The following CFHR1 variants were observed in gnomAD, a reference collection of about 807,000 sequenced individuals.
CFHR1 encodes complement factor H-related protein 1.
CFHR1 carries 22 observed loss-of-function variants against 30.4 expected under a neutral mutation model. That is an observed-to-expected ratio of 0.72 (90% CI 0.52 to 1.03). The LOEUF (loss-of-function observed/expected upper bound fraction) is 1.03, where lower values mean the gene tolerates loss of function less well. Among genes scored for constraint, CFHR1 ranks in the 50% least tolerant of loss-of-function variants. The probability of loss-of-function intolerance (pLI) is 0.00; values close to 1 mark genes in which losing one functional copy is unlikely to be tolerated. For synonymous variants in CFHR1, 95 were observed against 129.1 expected (o/e 0.74, Z 1.79); for missense variants, 248 against 380.6 (o/e 0.65, Z 2.90).
At chr1:196,823,378 A>T (rs1288786738) in intron 1 of CFHR1, among the ~76,000 whole-genome samples, 1 of 134,876 alleles carries the variant, frequency 7.4e-6, no homozygotes, top group East Asian at 2.0e-4. Context: ...AAGAATATGT[A>T]GGTACAAATG....
At chr1:196,827,314 G>A (rs1351981467) in intron 3 of CFHR1, among the ~76,000 whole-genome samples, 2 of 134,824 alleles carry the variant, frequency 1.5e-5, no homozygotes, top group East Asian at 2.0e-4. Context: ...ATAGAACCCT[G>A]AATCTGTTTT....
chr1:196,829,804 C>T lies in CFHR1; in HGVS notation c.608-696C>T, dbSNP rs1165894218. Among the ~76,000 whole-genome samples, 4 of 134,826 alleles carry T rather than the reference C, an allele frequency of 3.0e-5. 1 individual carries two copies. The highest frequency in any genetic ancestry group is 6.2e-5 in the Non-Finnish European group (4 of 64,124). The allele number at this position is 134,826 out of a possible 152,430, so 88.5% of individuals were successfully genotyped here. On this transcript the variant is annotated intron_variant, in intron 4 of 5. Transcript: ENST00000320493. ...ATGTTTTTATCCTCTTTGGAGTTCA[C>T]TCAGCTTCTTAAATATAAGTTTATG...
At chr1:196,825,729 C>G in intron 2 of CFHR1, 58 bp downstream of exon 2, 1 of 1,415,702 alleles carries the variant, frequency 7.1e-7, no homozygotes, top group Non-Finnish European at 9.7e-7. Flanking sequence ...GAAGGATATG[C>G]CAGACAAGAT....
intron 1 of CFHR1, among the ~76,000 whole-genome samples, chr1:196,823,268 C>T (rs1429375241): frequency 7.4e-6 from 1 of 134,962 alleles, no homozygotes; most frequent in East Asian, 2.0e-4. Flanking sequence ...AGCACCATTG[C>T]AGATATGCAC....
At chr1:196,831,269 AAATT>A (rs1338665273) in intron 5 of CFHR1, among the ~76,000 whole-genome samples, 3 of 136,148 alleles carry the variant, frequency 2.2e-5, no homozygotes, top group African/African-American at 6.2e-5. Context: ...TGATTACCAC[AAATT>A]AATTAGCACA....
At position 196,830,644 on chromosome 1, in the gene CFHR1, G is replaced by A. The variant is rs770461013; in HGVS notation, c.752G>A (p.Cys251Tyr). 9 of 1,524,720 alleles carry A rather than the reference G, an allele frequency of 5.9e-6. 1 individual carries two copies. In the South Asian group the frequency reaches 1.1e-4, roughly 19 times the overall value. 94.4% of individuals were successfully genotyped at this position (1,524,720 alleles called of 1,614,324 possible). A position where few individuals can be genotyped will look rare whatever the true frequency, so the allele number is the denominator to read the frequency against. ...CTTGAGGGTAACAAGCGAATAACAT[G>A]TAGAAATGGACAATGGTCAGAACCA... is the stretch of plus-strand genomic sequence containing the variant. ...YQLEGNKRIT[C>Y]RNGQWSEPPK... The change falls in exon 5 of 6, where the codon TGT becomes TAT. Residue 251 changes from cysteine (C) to tyrosine (Y), a missense_variant. Physicochemically the swap from Cys to Tyr is radical, Grantham distance 194 (BLOSUM62 -2). Coordinates refer to ENST00000320493, the MANE Select transcript of CFHR1 (RefSeq NM_002113.3).
At chr1:196,822,254 G>T (rs1655145720) in intron 1 of CFHR1, among the ~76,000 whole-genome samples, 1 of 117,674 alleles carries the variant, frequency 8.5e-6, no homozygotes, top group Non-Finnish European at 1.7e-5. Context: ...GGGGGAGCAG[G>T]TGGTTTTTGG....
At position 196,831,533 on chromosome 1, in the gene CFHR1, C is replaced by T. The variant is rs1267169577; in HGVS notation, c.791-264C>T. 8.8e-5 allele frequency among the ~76,000 whole-genome samples: 12 copies of T among 135,750 alleles called. 4 individuals carry two copies. Among genetic ancestry groups the T allele is most frequent in the Admixed American group, 7.1e-5 (1 of 14,098 alleles). The allele number at this position is 135,750 out of a possible 152,430, so 89.1% of individuals were successfully genotyped here. A position where few individuals can be genotyped will look rare whatever the true frequency, so the allele number is the denominator to read the frequency against. The stretch of plus-strand genomic sequence containing the variant: ...AGCAGCAATGATAAGTTCTAAAATG[C>T]AGGGATCCTAAAATGACAACTGATG... On this transcript the variant is annotated intron_variant, in intron 5 of 5. Coordinates refer to ENST00000320493, the MANE Select transcript of CFHR1 (RefSeq NM_002113.3).
At position 196,824,535 on chromosome 1, in the gene CFHR1, G is replaced by A. The variant is rs1655248180; in HGVS notation, c.59-942G>A. Reference sequence around the variant, plus strand: ...AGCCTCCCAAAGTGCTGGGATTACAGGCATGAGCTACCACACTCAGCCCTC... The same window carrying A: ...AGCCTCCCAAAGTGCTGGGATTACAAGCATGAGCTACCACACTCAGCCCTC... On this transcript the variant is annotated intron_variant, in intron 1 of 5. Transcript: ENST00000320493. Among the ~76,000 whole-genome samples, 2 of 131,912 alleles carry A rather than the reference G, an allele frequency of 1.5e-5. 1 individual carries two copies. Among genetic ancestry groups the A allele is most frequent in the South Asian group, 5.2e-4 (2 of 3,834 alleles). The allele number at this position is 131,912 out of a possible 152,430, so 86.5% of individuals were successfully genotyped here.
At chr1:196,827,300 C>G (rs1655366683) in intron 3 of CFHR1, among the ~76,000 whole-genome samples, 2 of 134,630 alleles carry the variant, frequency 1.5e-5, no homozygotes, top group Admixed American at 1.4e-4. Flanking sequence ...TCAAAAATGT[C>G]GAAATAGAAC....
chr1:196,823,723 A>G (rs1411311508), intron 1 of CFHR1, among the ~76,000 whole-genome samples: 2 of 135,820 alleles, frequency 1.5e-5, no homozygotes, highest in South Asian at 2.5e-4. Context: ...TGACATAAAA[A>G]CAAAGAGCAG....
intron 1 of CFHR1, among the ~76,000 whole-genome samples, chr1:196,824,590 T>C (rs1370657197): frequency 7.6e-6 from 1 of 131,580 alleles, no homozygotes; most frequent in African/African-American, 3.3e-5. Flanking sequence ...TCTAGAGTAT[T>C]TATAATACCT....
Position 196,831,879 on chromosome 1 carries a change from A to G in CFHR1, c.873A>G (p.Arg291=), listed in dbSNP as rs766561963. 2.6e-6 allele frequency: 4 copies of G among 1,525,460 alleles called. No homozygotes were observed. Among genetic ancestry groups the G allele is most frequent in the Non-Finnish European group, 2.7e-6 (3 of 1,129,450 alleles). The allele number at this position is 1,525,460 out of a possible 1,614,324, so 94.5% of individuals were successfully genotyped here. A position where few individuals can be genotyped will look rare whatever the true frequency, so the allele number is the denominator to read the frequency against. ...CAGCCAAACAGAAGCTTTATTTGAG[A>G]ACAGGTGAATCAGCTGAATTTGTGT... The part of the protein sequence containing the change: ...RWTAKQKLYL[R]TGESAEFVCK... Residue 291 remains arginine, a synonymous_variant, in exon 6 of 6, where the codon AGA becomes AGG. Transcript: ENST00000320493.
rs1422941373 is a variant in CFHR1 at position 196,824,849 on chromosome 1, T to A, written c.59-628T>A. Among the ~76,000 whole-genome samples, 3 of 120,460 alleles carry A rather than the reference T, an allele frequency of 2.5e-5. 1 individual carries two copies. The highest frequency in any genetic ancestry group is 2.4e-4 in the Admixed American group (3 of 12,268). 79.0% of individuals were successfully genotyped at this position (120,460 alleles called of 152,430 possible). ...AAATATACAAATACATATTTGTATA[T>A]ACAACATTAACCAGAATTTAGCTCT... is the stretch of plus-strand genomic sequence containing the variant. On this transcript the variant is annotated intron_variant, in intron 1 of 5. Transcript: ENST00000320493.
rs1367560098 is a variant in CFHR1, at chr1:196,826,401, A to G, written c.254-428A>G. On this transcript the variant is annotated intron_variant, in intron 2 of 5. Coordinates refer to ENST00000320493, the MANE Select transcript of CFHR1 (RefSeq NM_002113.3). Reference sequence around the variant, plus strand: ...GAACCAAAAATATGTTTCATCATATATATAGTAGCATGAGTTAACTTCTTT... The same window carrying G: ...GAACCAAAAATATGTTTCATCATATGTATAGTAGCATGAGTTAACTTCTTT... 1.5e-5 allele frequency among the ~76,000 whole-genome samples: 2 copies of G among 135,400 alleles called. 1 individual carries two copies. Among genetic ancestry groups the G allele is most frequent in the Non-Finnish European group, 3.1e-5 (2 of 64,396 alleles). The allele number at this position is 135,400 out of a possible 152,430, so 88.8% of individuals were successfully genotyped here.
rs1261185159 is a variant in CFHR1 at position 196,825,393 on chromosome 1, A to G, written c.59-84A>G. On this transcript the variant is annotated intron_variant, in intron 1 of 5. Coordinates refer to ENST00000320493, the MANE Select transcript of CFHR1 (RefSeq NM_002113.3). ...TTAAGCTAAATGAAAGAAAAACACTATAAGTGAGATGATTAAAATATAATC... is the reference window on the plus strand; with the variant it reads ...TTAAGCTAAATGAAAGAAAAACACTGTAAGTGAGATGATTAAAATATAATC... 8.6e-5 allele frequency: 90 copies of G among 1,047,420 alleles called. 12 individuals carry two copies. Among genetic ancestry groups the G allele is most frequent in the African/African-American group, 1.3e-4 (6 of 46,686 alleles). 64.9% of individuals were successfully genotyped at this position (1,047,420 alleles called of 1,614,324 possible). A position where few individuals can be genotyped will look rare whatever the true frequency, so the allele number is the denominator to read the frequency against.
In CFHR1 at chr1:196,826,719, A is replaced by G. The variant is rs424722; in HGVS notation, c.254-110A>G. The G allele has an allele frequency of 0.43, 460,613 of 1,058,930 alleles. 130,877 individuals carry two copies. The highest frequency in any genetic ancestry group is 0.58 in the African/African-American group (27,427 of 46,922). The allele number at this position is 1,058,930 out of a possible 1,614,324, so 65.6% of individuals were successfully genotyped here. On this transcript the variant is annotated intron_variant, in intron 2 of 5. Coordinates refer to ENST00000320493, the MANE Select transcript of CFHR1 (RefSeq NM_002113.3). ...CTCGCCTCAGCCTCCCAAAGCGCAG[A>G]GATTACCAGAGTGAGCCACTTCACC...
intron 1 of CFHR1, among the ~76,000 whole-genome samples, chr1:196,822,700 A>G (rs1655164011): frequency 7.4e-6 from 1 of 134,392 alleles, no homozygotes; most frequent in Admixed American, 7.1e-5. Context: ...CTTCTAGAAT[A>G]GTTCCTGAAG....
At position 196,831,958 on chromosome 1, in the gene CFHR1, T is replaced by G. The variant is rs1202776151; in HGVS notation, c.952T>G (p.Trp318Gly). 4.6e-6 allele frequency: 7 copies of G among 1,524,876 alleles called. 2 individuals carry two copies. 94.5% of individuals were successfully genotyped at this position (1,524,876 alleles called of 1,614,324 possible). ...SRSHTLRTTC[W>G]DGKLEYPTCA... ...TTCTCACACATTGCGAACAACATGTTGGGATGGGAAACTGGAGTATCCAAC... is the reference window on the plus strand; with the variant it reads ...TTCTCACACATTGCGAACAACATGTGGGGATGGGAAACTGGAGTATCCAAC... Residue 318 changes from tryptophan (W) to glycine (G), a missense_variant, in exon 6 of 6, where the codon TGG becomes GGG. Trp to Gly is a radical substitution (Grantham distance 184). This residue lies in a region of CFHR1 where 112 missense variants were observed against 156.4 expected (regional missense o/e 0.72). Transcript: ENST00000320493.
Sources: gnomAD v4.1 joint callset for allele counts (sites outside exome capture counted in the v4.1 genomes callset) on GRCh38, gnomAD v4.1.1 for gene constraint, gnomAD v4.1.1 regional missense constraint, MANE v1.5 for transcripts, NCBI Gene and HGNC (gene_info 2026-07-23, HGNC 2026-07-21) for gene names.